ZNF138: variants seen among roughly 807,000 people sequenced by gnomAD.
The protein encoded by ZNF138 is zinc finger protein 138.
In ZNF138, 33 loss-of-function variants were observed where a neutral mutation model predicts 33.0. The observed-to-expected ratio is 1.00, with a 90% CI of 0.76 to 1.34. The LOEUF (loss-of-function observed/expected upper bound fraction) is 1.34, where lower values mean the gene tolerates loss of function less well. Among genes scored for constraint, ZNF138 ranks in the 40% most tolerant of loss-of-function variants. The probability of loss-of-function intolerance (pLI) is 0.00; values close to 1 mark genes in which losing one functional copy is unlikely to be tolerated. For synonymous variants in ZNF138, 139 were observed against 120.4 expected, an observed-to-expected ratio of 1.15 and a Z score of -1.01; for missense variants, 360 against 370.8, an observed-to-expected ratio of 0.97 and a Z score of 0.24.
At position 64,815,898 on chromosome 7, in the gene ZNF138, G is replaced by A. The variant is rs541169259; in HGVS notation, c.208+245G>A. Among the ~76,000 whole-genome samples the A allele has an allele frequency of 6.4e-4, 98 of 152,178 alleles. 1 individual carries two copies. Among genetic ancestry groups the A allele is most frequent in the Non-Finnish European group, 1.0e-3 (71 of 68,010 alleles). Reference sequence around the variant, plus strand: ...AGTGAGAGCCAACGTCCTTTTCATGGCATATAAAAGACTGCACAATCTGAC... The same window carrying A: ...AGTGAGAGCCAACGTCCTTTTCATGACATATAAAAGACTGCACAATCTGAC... On this transcript the variant is annotated intron_variant, in intron 3 of 3. Coordinates refer to ENST00000307355, the MANE Select transcript of ZNF138 (RefSeq NM_001271639.2).
At position 64,832,055 on chromosome 7, in the gene ZNF138, A is replaced by G. The variant is rs1197289610; in HGVS notation, c.813A>G (p.Ile271Met). ...KQSSHLTRHK[I>M]IHTEEKPYKC... ...CCTCACACCTTACTAGACATAAGAT[A>G]ATTCATACTGAAGAGAAACCCTACA... Residue 271 changes from isoleucine (I) to methionine (M), a missense_variant, in exon 4 of 4, where the codon ATA becomes ATG. Ile to Met is a conservative substitution (Grantham distance 10). Transcript: ENST00000307355. 6.2e-7 allele frequency: 1 copy of G among 1,613,992 alleles called. No individual in the cohort carries two copies. Among genetic ancestry groups the G allele is most frequent in the East Asian group, 2.2e-5 (1 of 44,868 alleles).
At chr7:64,809,515 AG>A (rs1253218244) in intron 1 of ZNF138, among the ~76,000 whole-genome samples, 10 of 226 alleles carry the variant, frequency 0.044, 2 homozygotes, top group African/African-American at 0.15. Flanking sequence ...CCTCCCTCCC[AG>A]GATGGGGCGG....
intron 3 of ZNF138, among the ~76,000 whole-genome samples, chr7:64,823,941 A>T (rs1324242555): frequency 6.6e-6 from 1 of 152,200 alleles, no homozygotes; most frequent in African/African-American, 2.4e-5. Flanking sequence ...CCACCTCAAA[A>T]AAATAAATAA....
intron 3 of ZNF138, among the ~76,000 whole-genome samples, chr7:64,825,038 T>G (rs1188626992): frequency 4.0e-5 from 6 of 151,670 alleles, no homozygotes; most frequent in Non-Finnish European, 8.8e-5. Flanking sequence ...TTAGTAGAGA[T>G]AGGGTTTTAC....
Position 64,815,019 on chromosome 7 carries a change from G to C in ZNF138, c.105G>C (p.Glu35Asp), listed in dbSNP as rs568056273. 1.7e-5 allele frequency: 28 copies of C among 1,609,136 alleles called. No individual in the cohort carries two copies. In the East Asian group the frequency reaches 6.3e-4, roughly 36 times the overall value. The change falls in exon 2 of 4, where the codon GAG becomes GAC. Residue 35 changes from glutamate to aspartate, a missense_variant. Coordinates refer to ENST00000307355, the MANE Select transcript of ZNF138 (RefSeq NM_001271639.2). ...QRNVYRHVMLENYRNLVFLDL... is the reference protein window; with the variant it reads ...QRNVYRHVMLDNYRNLVFLDL... ...ATGTATATAGGCATGTGATGTTAGA[G>C]AACTACAGAAACCTGGTTTTCTTGG...
chr7:64,803,258 G>GT (rs60101981), intron 1 of ZNF138, among the ~76,000 whole-genome samples: 34,589 of 112,888 alleles, frequency 0.31, 5,801 homozygotes, highest in Middle Eastern at 0.41. Flanking sequence ...TTTGGCAAAG[G>GT]TTTTTTTTTT....
chr7:64,808,528 G>A (rs1787800750), intron 1 of ZNF138, among the ~76,000 whole-genome samples: 1 of 152,030 alleles, frequency 6.6e-6, no homozygotes, highest in African/African-American at 2.4e-5. Flanking sequence ...TGTAACTTAC[G>A]AGGTCATTTC....
chr7:64,823,137 C>T (rs1300557335), intron 3 of ZNF138, among the ~76,000 whole-genome samples: 1 of 152,164 alleles, frequency 6.6e-6, no homozygotes, highest in Non-Finnish European at 1.5e-5. Context: ...ACCTCGGCCT[C>T]CCAAAATGCT....
intron 3 of ZNF138, among the ~76,000 whole-genome samples, chr7:64,820,075 C>CA (rs1489789664): frequency 2.5e-4 from 4 of 16,254 alleles, no homozygotes; most frequent in Admixed American, 5.3e-4. Flanking sequence ...TCTGTCCCCG[C>CA]AAAAAAGCTG....
At chr7:64,833,870 A>G (rs2129017565), downstream of ZNF138, among the ~76,000 whole-genome samples, 1 of 152,228 alleles carries the variant, frequency 6.6e-6, no homozygotes, top group South Asian at 2.1e-4. Flanking sequence ...GACTACAGGC[A>G]TGTACCATCA....
intron 1 of ZNF138, among the ~76,000 whole-genome samples, chr7:64,802,975 C>A (rs1787271150): frequency 6.6e-6 from 1 of 151,876 alleles, no homozygotes; most frequent in Non-Finnish European, 1.5e-5. Context: ...CTATTTTTCC[C>A]TACCCCCCTC....
At chr7:64,844,088 G>A in the ZNF138 span, among the ~76,000 whole-genome samples, 2 of 152,268 alleles carry the variant, frequency 1.3e-5, no homozygotes, top group Admixed American at 6.5e-5. Flanking sequence ...CTCCCAAAGT[G>A]CTGGGATTAC....
chr7:64,796,476 G>A (rs900014280), intron 1 of ZNF138, among the ~76,000 whole-genome samples: 3 of 152,150 alleles, frequency 2.0e-5, no homozygotes, highest in African/African-American at 7.2e-5. Flanking sequence ...TGTTTTAATT[G>A]TAACTTGCAG....
the ZNF138 span, chr7:64,853,090 G>A: frequency 1.1e-5 from 16 of 1,412,636 alleles, no homozygotes; most frequent in Non-Finnish European, 1.6e-5. Flanking sequence ...CTACAATTGG[G>A]TAAATGTAAT....
At chr7:64,830,812 TG>T in intron 3 of ZNF138, 2 of 1,105,218 alleles carry the variant, frequency 1.8e-6, no homozygotes, top group Non-Finnish European at 2.5e-6. Flanking sequence ...CTAAAGATTC[TG>T]AGAGTCTTTC....
chr7:64,820,210 C>T (rs1197208930), intron 3 of ZNF138, among the ~76,000 whole-genome samples: 1 of 29,078 alleles, frequency 3.4e-5, no homozygotes, highest in Non-Finnish European at 6.1e-5. Flanking sequence ...TTCTCTTTAT[C>T]CCTTGACAGA....
At chr7:64,828,536 T>C (rs938215321) in intron 3 of ZNF138, among the ~76,000 whole-genome samples, 1 of 152,192 alleles carries the variant, frequency 6.6e-6, no homozygotes, top group Non-Finnish European at 1.5e-5. Flanking sequence ...TTTTAAATTA[T>C]ATTTACTGAA....
At chr7:64,806,736 C>A (rs532802982) in intron 1 of ZNF138, among the ~76,000 whole-genome samples, 13 of 152,128 alleles carry the variant, frequency 8.5e-5, no homozygotes, top group African/African-American at 3.1e-4. Flanking sequence ...AAAAATTAAA[C>A]TAATAATGAC....
Position 64,815,039 on chromosome 7 carries a change from T to C in ZNF138, c.125T>C (p.Phe42Ser), listed in dbSNP as rs780348080. 12 of 1,604,624 alleles carry C rather than the reference T, an allele frequency of 7.5e-6. No individual in the cohort carries two copies. In the East Asian group the frequency reaches 2.5e-4, roughly 33 times the overall value. Reference sequence around the variant, plus strand: ...TTAGAGAACTACAGAAACCTGGTTTTCTTGGGTGAGAATAACTTCAGTACA... The same window carrying C: ...TTAGAGAACTACAGAAACCTGGTTTCCTTGGGTGAGAATAACTTCAGTACA... Reference protein sequence around the residue: ...VMLENYRNLVFLDLITCLEQG... With the variant: ...VMLENYRNLVSLDLITCLEQG... Residue 42 changes from phenylalanine (F) to serine (S), a missense_variant, in exon 2 of 4, where the codon TTC becomes TCC. Coordinates refer to ENST00000307355, the MANE Select transcript of ZNF138 (RefSeq NM_001271639.2).
Sources: gnomAD v4.1 joint callset for allele counts (sites outside exome capture counted in the v4.1 genomes callset) on GRCh38, gnomAD v4.1.1 for gene constraint, MANE v1.5 for transcripts, NCBI Gene and HGNC (gene_info 2026-07-23, HGNC 2026-07-21) for gene names.